APBB2: variants seen among roughly 807,000 people sequenced by gnomAD.
APBB2 encodes amyloid beta precursor protein binding family B member 2, also known as Fe65-like 1.
APBB2 carries 38 observed loss-of-function variants against 82.5 expected under a neutral mutation model. That is an observed-to-expected ratio of 0.46 (90% confidence interval 0.36 to 0.60). The LOEUF (loss-of-function observed/expected upper bound fraction) is 0.60. Among genes scored for constraint, APBB2 ranks in the 20% least tolerant of loss-of-function variants. The pLI, the probability that APBB2 is intolerant of heterozygous loss-of-function variation, is 0.00. For synonymous variants in APBB2, 341 were observed against 368.2 expected (o/e 0.93, Z 0.85); for missense variants, 772 against 972.3 (o/e 0.79, Z 2.74).
intron 6 of APBB2, among the ~76,000 whole-genome samples, chr4:40,972,720 C>G (rs1289426805): frequency 6.6e-6 from 1 of 152,170 alleles, no homozygotes; most frequent in Non-Finnish European, 1.5e-5. Context: ...TTAGTAATTT[C>G]CAGTTACATT....
intron 4 of APBB2, among the ~76,000 whole-genome samples, chr4:41,064,000 A>G (rs187659683): frequency 2.3e-3 from 262 of 113,306 alleles, no homozygotes; most frequent in African/African-American, 8.6e-3. Context: ...TGTGTCGCCC[A>G]GGCTGGAGTG....
intron 6 of APBB2, among the ~76,000 whole-genome samples, chr4:40,964,131 TA>T (rs985090931): frequency 8.0e-5 from 12 of 150,364 alleles, no homozygotes; most frequent in Admixed American, 3.3e-4. Flanking sequence ...CTAACTCATT[TA>T]AAAAAAAAAT....
At chr4:41,041,742 G>C (rs575103436) in intron 4 of APBB2, among the ~76,000 whole-genome samples, 1 of 152,242 alleles carries the variant, frequency 6.6e-6, no homozygotes, top group South Asian at 2.1e-4. Flanking sequence ...TGTTCTCCAA[G>C]TGAGATTTCA....
chr4:41,008,492 G>A (rs1333798012), intron 6 of APBB2, among the ~76,000 whole-genome samples: 1 of 152,100 alleles, frequency 6.6e-6, no homozygotes, highest in Non-Finnish European at 1.5e-5. Flanking sequence ...CCATATTCCA[G>A]GCACTGAAAA....
chr4:41,033,584 T>TCTCACACACA (rs1355663784), intron 4 of APBB2, among the ~76,000 whole-genome samples: 3,715 of 130,798 alleles, frequency 0.028, 81 homozygotes, highest in Non-Finnish European at 0.041. Context: ...CTTTTTCTCA[T>TCTCACACACA]CACACACACA....
intron 6 of APBB2, among the ~76,000 whole-genome samples, chr4:40,976,524 T>C (rs1050551167): frequency 2.0e-5 from 3 of 152,212 alleles, no homozygotes; most frequent in African/African-American, 7.2e-5. Flanking sequence ...TTGGGAATCA[T>C]ATTACCATAG....
chr4:40,853,449 C>T (rs1367483994), intron 12 of APBB2, among the ~76,000 whole-genome samples: 3 of 149,924 alleles, frequency 2.0e-5, no homozygotes, highest in Admixed American at 1.3e-4. Context: ...TTCCTCAGTG[C>T]TTTCCTTCTT....
At chr4:41,209,686 A>C (rs953723877) in intron 1 of APBB2, among the ~76,000 whole-genome samples, 26 of 152,208 alleles carry the variant, frequency 1.7e-4, no homozygotes, top group African/African-American at 6.3e-4. Flanking sequence ...AATGCTATGA[A>C]GTAGTTTCAA....
intron 12 of APBB2, among the ~76,000 whole-genome samples, chr4:40,852,401 G>C (rs1759777073): frequency 6.6e-6 from 1 of 150,714 alleles, no homozygotes; most frequent in South Asian, 2.1e-4. Flanking sequence ...TATAAACTGG[G>C]AACAAAGGTA....
rs1579080221 is a variant in APBB2, at chr4:40,993,781, T to C, written c.835+19802A>G. Among the ~76,000 whole-genome samples, 5 of 152,160 alleles carry C rather than the reference T, an allele frequency of 3.3e-5. No homozygotes were observed. The South Asian group carries it at 8.3e-4, about 25-fold the overall frequency. On this transcript the variant is annotated intron_variant, in intron 6 of 17. Transcript: ENST00000508593. ...TTTTTCATTAAGGCTGTGATTCTTG[T>C]TAAATGTTAGCCAGATCAGTATCCA...
intron 10 of APBB2, 133 bp downstream of exon 10, chr4:40,934,323 A>T (rs1477527039): frequency 1.4e-5 from 12 of 863,046 alleles, no homozygotes; most frequent in Non-Finnish European, 2.2e-5. Flanking sequence ...GGAGATTAGG[A>T]AAGAGAAAAT....
intron 12 of APBB2, among the ~76,000 whole-genome samples, chr4:40,864,913 T>C (rs1763691747): frequency 6.7e-6 from 1 of 148,448 alleles, no homozygotes; most frequent in African/African-American, 2.5e-5. Flanking sequence ...GGCTGGAGGG[T>C]AGTAGTGCAA....
intron 10 of APBB2, among the ~76,000 whole-genome samples, chr4:40,915,390 G>A (rs1365525888): frequency 2.0e-5 from 3 of 152,232 alleles, no homozygotes; most frequent in East Asian, 3.9e-4. Context: ...TGGAATGTAC[G>A]TTACACAAAG....
At chr4:40,868,771 A>C (rs1037519154) in intron 12 of APBB2, among the ~76,000 whole-genome samples, 5 of 152,240 alleles carry the variant, frequency 3.3e-5, no homozygotes, top group Non-Finnish European at 5.9e-5. Context: ...TTATTTAAAG[A>C]GTTGAGATTG....
intron 7 of APBB2, among the ~76,000 whole-genome samples, chr4:40,941,903 C>A (rs1465305677): frequency 6.6e-6 from 1 of 152,126 alleles, no homozygotes; most frequent in Non-Finnish European, 1.5e-5. Context: ...TCCCAAAGAG[C>A]TGGGATTACA....
chr4:40,835,149 G>A lies in APBB2; in HGVS notation c.1530-4572C>T, dbSNP rs575090568. The stretch of plus-strand genomic sequence containing the variant: ...AACTTAGCCGGGCGTGGTGGCGGGC[G>A]CCTGTAGTCCCAGCTACTCAGGAGG... On this transcript the variant is annotated intron_variant, in intron 12 of 17. Coordinates refer to ENST00000508593, the MANE Select transcript of APBB2 (RefSeq NM_004307.2). Among the ~76,000 whole-genome samples, 10 of 151,938 alleles carry A rather than the reference G, an allele frequency of 6.6e-5. No homozygotes were observed. The East Asian group carries it at 1.7e-3, about 27-fold the overall frequency.
intron 4 of APBB2, among the ~76,000 whole-genome samples, chr4:41,050,462 C>G (rs1725527434): frequency 6.6e-6 from 1 of 152,202 alleles, no homozygotes; most frequent in Non-Finnish European, 1.5e-5. Context: ...TTCACACATG[C>G]ATATTGTTTT....
At chr4:40,844,808 C>T (rs571725660) in intron 12 of APBB2, among the ~76,000 whole-genome samples, 1 of 152,302 alleles carries the variant, frequency 6.6e-6, no homozygotes, top group African/African-American at 2.4e-5. Context: ...CTTCTTAGTG[C>T]TCAGATTTTT....
chr4:41,040,954 C>T (rs1721153706), intron 4 of APBB2, among the ~76,000 whole-genome samples: 1 of 152,124 alleles, frequency 6.6e-6, no homozygotes, highest in Admixed American at 6.5e-5. Flanking sequence ...AATCTCGGCT[C>T]ACTGCAAGCT....
Sources: allele counts gnomAD v4.1 joint callset (sites outside exome capture counted in the v4.1 genomes callset), GRCh38; gene constraint gnomAD v4.1.1; transcripts MANE v1.5; gene names NCBI Gene and HGNC (gene_info 2026-07-23, HGNC 2026-07-21).